The following POLI variants were observed in gnomAD, a reference collection of about 807,000 sequenced individuals.
POLI encodes RAD30 homolog B.
In POLI, 58 loss-of-function variants were observed where a neutral mutation model predicts 51.6. The observed-to-expected ratio is 1.12, with a 90% CI of 0.91 to 1.40. The LOEUF is 1.40. Ranked by LOEUF, POLI falls within the 40% of genes most tolerant of loss-of-function variation. POLI has a pLI of 0.00. For synonymous variants in POLI, 322 were observed against 299.7 expected, an observed-to-expected ratio of 1.07 and a Z score of -0.77; for missense variants, 921 against 871.3, an observed-to-expected ratio of 1.06 and a Z score of -0.72.
At chr18:54,307,284 G>A (rs1050575962) in intron 3 of POLI, among the ~76,000 whole-genome samples, 1 of 152,094 alleles carries the variant, frequency 6.6e-6, no homozygotes, top group Non-Finnish European at 1.5e-5. Context: ...AGAGATTCTG[G>A]TACATTGTGT....
intron 9 of POLI, among the ~76,000 whole-genome samples, 180 bp from the exon 10 acceptor site, chr18:54,293,469 C>G (rs1262558215): frequency 6.6e-6 from 1 of 151,928 alleles, no homozygotes; most frequent in African/African-American, 2.4e-5. Context: ...GGTAGAGATT[C>G]ACAAAATAGT....
chr18:54,310,071 G>A (rs1453521617), intron 3 of POLI, among the ~76,000 whole-genome samples: 2 of 152,122 alleles, frequency 1.3e-5, no homozygotes, highest in Admixed American at 6.6e-5. Flanking sequence ...ACCCTGTTTC[G>A]GCTTGGCATC....
At chr18:54,282,757 G>T (rs905696027) in intron 5 of POLI, 80 bp from the exon 6 acceptor site, 2 of 746,840 alleles carry the variant, frequency 2.7e-6, no homozygotes, top group Non-Finnish European at 4.2e-6. Context: ...AGATAAGATT[G>T]ATATATTTAT....
At chr18:54,269,479 A>T (rs1456852127), upstream of POLI, 1 of 1,482,776 alleles carries the variant, frequency 6.7e-7, no homozygotes, top group Non-Finnish European at 8.9e-7. Flanking sequence ...TGGAGACTGT[A>T]GTCCCCCGGT....
chr18:54,310,263 T>C (rs1458474336), intron 3 of POLI, among the ~76,000 whole-genome samples: 1 of 152,240 alleles, frequency 6.6e-6, no homozygotes, highest in African/African-American at 2.4e-5. Context: ...GGATTATTTT[T>C]TTCTAGTTCG....
rs1344371665 is a variant in POLI, at chr18:54,293,708, C to T, written c.1464C>T (p.Phe488=). 2 of 1,597,680 alleles carry T rather than the reference C, an allele frequency of 1.3e-6. No individual in the cohort carries two copies. Among genetic ancestry groups the T allele is most frequent in the African/African-American group, 1.4e-5 (1 of 73,948 alleles). ...FPKDKETNRD[F]LPSGRIESTR... is the part of the protein sequence containing the mutation. ...AAGACAAAGAAACAAACCGGGATTT[C>T]CTACCAAGTGGAAGAATTGAAAGTA... The change falls in exon 10 of 10, where the codon TTC becomes TTT. Residue 488 remains phenylalanine (F), a synonymous_variant. Coordinates refer to ENST00000579534, the MANE Select transcript of POLI (RefSeq NM_007195.3).
At chr18:54,287,206 A>G (rs2087786989) in intron 7 of POLI, 75 bp from the exon 8 acceptor site, 1 of 1,079,582 alleles carries the variant, frequency 9.3e-7, no homozygotes, top group Non-Finnish European at 1.3e-6. Context: ...GCACCTTTAG[A>G]TAAATGAGAT....
At chr18:54,315,775 C>T (rs986674022) in intron 3 of POLI, among the ~76,000 whole-genome samples, 1 of 151,970 alleles carries the variant, frequency 6.6e-6, no homozygotes, top group African/African-American at 2.4e-5. Flanking sequence ...AATAATGACC[C>T]CTATTCTTTT....
At chr18:54,305,626 C>G (rs1201334079) in intron 3 of POLI, among the ~76,000 whole-genome samples, 1 of 144,322 alleles carries the variant, frequency 6.9e-6, no homozygotes, top group African/African-American at 2.5e-5. Context: ...TGAGACTTTG[C>G]TGAAGTTGCT....
chr18:54,310,804 A>T (rs1470039443), intron 3 of POLI, among the ~76,000 whole-genome samples: 30 of 152,192 alleles, frequency 2.0e-4, no homozygotes, highest in Non-Finnish European at 8.8e-5. Flanking sequence ...AGTAAGAAGG[A>T]ATTTAGTGTA....
At chr18:54,319,438 A>T (rs184222024) in intron 3 of POLI, among the ~76,000 whole-genome samples, 1 of 152,236 alleles carries the variant, frequency 6.6e-6, no homozygotes, top group East Asian at 1.9e-4. Context: ...TCTCGATAAG[A>T]CTATGACTAT....
chr18:54,282,937 A>G lies in POLI; in HGVS notation c.897A>G (p.Gly299=). Residue 299 remains glycine (G), a synonymous_variant, in exon 6 of 10, where the codon GGA becomes GGG. Transcript: ENST00000579534. ...FSPKILEKEL[G]ISVAQRIQKL... The stretch of plus-strand genomic sequence containing the variant: ...CCAAAATTTTAGAAAAAGAATTAGG[A>G]ATTTCAGTTGCTCAGCGTATCCAAA... The G allele has an allele frequency of 1.9e-6, 3 of 1,607,288 alleles. No homozygotes were observed. Among genetic ancestry groups the G allele is most frequent in the Non-Finnish European group, 2.5e-6 (3 of 1,176,540 alleles).
intron 5 of POLI, among the ~76,000 whole-genome samples, chr18:54,281,236 G>C (rs2087487518): frequency 6.6e-6 from 1 of 152,126 alleles, no homozygotes; most frequent in African/African-American, 2.4e-5. Context: ...ATTGCCTCTA[G>C]AGAGGGGAGT....
chr18:54,277,889 C>T (rs610281), intron 4 of POLI, 34 bp downstream of exon 4: 392,886 of 1,479,072 alleles, frequency 0.27, 54,037 homozygotes, highest in Middle Eastern at 0.28. Flanking sequence ...ACCTACTAAC[C>T]AAAAGTACAT....
At position 54,287,385 on chromosome 18, in the gene POLI, C is replaced by A. The variant is rs749731969; in HGVS notation, c.1172C>A (p.Ser391Ter). ...GRESRQCPIP[S>*]HVIQKLGTGN... ...GAGAGTCGTCAGTGCCCTATTCCTT[C>A]ACATGTAATTCAGAAATTAGGGACA... is the stretch of plus-strand genomic sequence containing the variant. Residue 391 changes from serine (S) to a stop codon, truncating the protein, a stop_gained, in exon 8 of 10, where the codon TCA becomes TAA. Transcript: ENST00000579534. LOFTEE classifies it high-confidence loss of function. The A allele has an allele frequency of 1.9e-6, 3 of 1,607,352 alleles. No homozygotes were observed. The highest frequency in any genetic ancestry group is 1.7e-5 in the Admixed American group (1 of 59,442).
intron 4 of POLI, among the ~76,000 whole-genome samples, chr18:54,278,294 T>A (rs2087342054): frequency 2.6e-5 from 4 of 152,138 alleles, no homozygotes; most frequent in Admixed American, 2.6e-4. Context: ...AGATCCCATC[T>A]CTTAAGGAAA....
chr18:54,292,429 TTAAAG>T (rs2088065859), intron 9 of POLI, among the ~76,000 whole-genome samples: 2 of 152,138 alleles, frequency 1.3e-5, no homozygotes, highest in Admixed American at 6.5e-5. Flanking sequence ...GATTCTTTTG[TTAAAG>T]TATTTACATT....
chr18:54,273,905 C>T (rs974303879), intron 2 of POLI, 21 bp from the exon 3 acceptor site: 2 of 1,417,456 alleles, frequency 1.4e-6, no homozygotes, highest in South Asian at 1.5e-5. Context: ...GCTTGGGTTT[C>T]TCATAAAATA....
chr18:54,312,731 T>C (rs975796549), intron 3 of POLI, among the ~76,000 whole-genome samples: 4 of 152,188 alleles, frequency 2.6e-5, no homozygotes, highest in African/African-American at 9.7e-5. Flanking sequence ...TTTCATATGT[T>C]TATTAGCTGC....
Sources: allele counts gnomAD v4.1 joint callset (sites outside exome capture counted in the v4.1 genomes callset), GRCh38; gene constraint gnomAD v4.1.1; transcripts MANE v1.5; gene names NCBI Gene and HGNC (gene_info 2026-07-23, HGNC 2026-07-21).